GALNT11: variants seen among roughly 807,000 people sequenced by gnomAD.
The protein encoded by GALNT11 is polypeptide N-acetylgalactosaminyltransferase 11.
A neutral mutation model predicts 72.7 loss-of-function variants in GALNT11; 47 were observed. That is an observed-to-expected ratio of 0.65 (90% CI 0.51 to 0.82). GALNT11 has a LOEUF of 0.82. Ranked by LOEUF, GALNT11 falls within the 40% of genes least tolerant of loss-of-function variation. The pLI, the probability that GALNT11 is intolerant of heterozygous loss-of-function variation, is 0.00. For synonymous variants in GALNT11, 270 were observed against 286.6 expected, an observed-to-expected ratio of 0.94 and a Z score of 0.58; for missense variants, 677 against 778.4, an observed-to-expected ratio of 0.87 and a Z score of 1.55.
At chr7:152,105,826 A>G (rs948731758) in intron 5 of GALNT11, among the ~76,000 whole-genome samples, 6 of 152,228 alleles carry the variant, frequency 3.9e-5, no homozygotes, top group African/African-American at 1.4e-4. Flanking sequence ...TGGTTAATGG[A>G]CGTAAGATTG....
chr7:152,058,125 G>A (rs376358651), intron 1 of GALNT11, among the ~76,000 whole-genome samples: 108 of 152,104 alleles, frequency 7.1e-4, no homozygotes, highest in African/African-American at 2.3e-3. Context: ...ACACTATACC[G>A]TAGTCTTTTA....
intron 7 of GALNT11, 117 bp from the exon 8 acceptor site, chr7:152,113,129 T>C: frequency 3.8e-6 from 4 of 1,053,890 alleles, no homozygotes; most frequent in East Asian, 2.5e-5. Context: ...ATAAGATAAA[T>C]ATCTTGCCAA....
chr7:152,094,537 T>A lies in GALNT11; in HGVS notation c.295+15T>A. 6.3e-7 allele frequency: 1 copy of A among 1,574,870 alleles called. No homozygotes were observed. The highest frequency in any genetic ancestry group is 8.6e-7 in the Non-Finnish European group (1 of 1,159,090). On this transcript the variant is annotated intron_variant, in intron 2 of 11. Transcript: ENST00000430044. The surrounding 1 kb of genome is among the most constrained non-coding windows in gnomAD (Gnocchi z 4.3). ...TTCTGAATTAGGTAAGTATATGATG[T>A]TTACCAGCATCCATATCAATGTATT...
rs144253400 is a variant in GALNT11 at position 152,036,626 on chromosome 7, C to T, written c.-39+10742C>T. On this transcript the variant is annotated intron_variant, in intron 1 of 11. Coordinates refer to ENST00000430044, the MANE Select transcript of GALNT11 (RefSeq NM_022087.4). ...TACTATGAGTGGGATTGCTGAGTCA[C>T]GTGGTAGCTCTATTTTTAGTTTTTG... Among the ~76,000 whole-genome samples the T allele has an allele frequency of 1.8e-3, 278 of 152,252 alleles. 2 individuals are homozygous for T. Among genetic ancestry groups the T allele is most frequent in the Non-Finnish European group, 1.9e-3 (127 of 68,000 alleles).
At chr7:152,070,003 C>CTT (rs71198756) in intron 1 of GALNT11, among the ~76,000 whole-genome samples, 2 of 141,648 alleles carry the variant, frequency 1.4e-5, no homozygotes, top group African/African-American at 2.6e-5. Flanking sequence ...TTTTCTTTTT[C>CTT]TTTTTTTTTT....
intron 1 of GALNT11, among the ~76,000 whole-genome samples, chr7:152,076,112 C>T (rs1158979453): frequency 1.4e-5 from 2 of 147,716 alleles, no homozygotes; most frequent in South Asian, 2.2e-4. Flanking sequence ...AAAAGTTCAT[C>T]GCTTTTTTAA....
At chr7:152,027,727 T>TA (rs2082095085) in intron 1 of GALNT11, 1 of 155,224 alleles carries the variant, frequency 6.4e-6, no homozygotes, top group South Asian at 1.9e-4. Context: ...CGGTGAGTGT[T>TA]ACAGTTCTTA....
intron 1 of GALNT11, among the ~76,000 whole-genome samples, chr7:152,052,053 C>T (rs999894102): frequency 6.6e-6 from 1 of 152,100 alleles, no homozygotes; most frequent in African/African-American, 2.4e-5. Flanking sequence ...TTTCCCAGCC[C>T]CTTTCTGTTT....
At chr7:152,045,619 T>G (rs2083081849) in intron 1 of GALNT11, among the ~76,000 whole-genome samples, 1 of 152,178 alleles carries the variant, frequency 6.6e-6, no homozygotes, top group Non-Finnish European at 1.5e-5. Context: ...TTCTGTGATA[T>G]TGATTGTAAT....
intron 6 of GALNT11, among the ~76,000 whole-genome samples, chr7:152,109,064 C>T (rs891402077): frequency 6.6e-6 from 1 of 152,160 alleles, no homozygotes; most frequent in South Asian, 2.1e-4. Context: ...ATTTAAACCC[C>T]AGAAGCCATT....
At chr7:152,037,139 GC>G (rs2082619770) in intron 1 of GALNT11, among the ~76,000 whole-genome samples, 1 of 152,130 alleles carries the variant, frequency 6.6e-6, no homozygotes, top group African/African-American at 2.4e-5. Flanking sequence ...AGAAATCTCT[GC>G]CTAGTTCAAT....
intron 8 of GALNT11, among the ~76,000 whole-genome samples, chr7:152,114,819 G>A (rs1276362309): frequency 1.3e-5 from 2 of 151,834 alleles, no homozygotes; most frequent in Admixed American, 6.6e-5. Context: ...GAGCCACCAC[G>A]CCTGGTTGCT....
At chr7:152,037,711 T>G (rs1002972128) in intron 1 of GALNT11, among the ~76,000 whole-genome samples, 1 of 152,206 alleles carries the variant, frequency 6.6e-6, no homozygotes, top group Non-Finnish European at 1.5e-5. Flanking sequence ...TTAACAGTAT[T>G]GATTCTTCCA....
Position 152,043,383 on chromosome 7 carries a change from G to A in GALNT11, c.-39+17499G>A, listed in dbSNP as rs1002375800. Reference sequence around the variant, plus strand: ...AGCATAAATCTACTGCAGCACTACCGGCTGTGGCGGGGGACAGACATTGTA... The same window carrying A: ...AGCATAAATCTACTGCAGCACTACCAGCTGTGGCGGGGGACAGACATTGTA... On this transcript the variant is annotated intron_variant, in intron 1 of 11. Transcript: ENST00000430044. Among the ~76,000 whole-genome samples, 16 of 152,210 alleles carry A rather than the reference G, an allele frequency of 1.1e-4. No individual in the cohort carries two copies. The East Asian group carries it at 1.3e-3, about 13-fold the overall frequency.
intron 4 of GALNT11, chr7:152,103,544 G>A (rs2087198399): frequency 2.8e-6 from 1 of 354,630 alleles, no homozygotes; most frequent in East Asian, 4.7e-5. Context: ...ATAACTGTAG[G>A]TTCACAGGAA....
chr7:152,118,500 T>C (rs1189613429), intron 9 of GALNT11, 178 bp from the exon 10 acceptor site: 1 of 550,910 alleles, frequency 1.8e-6, no homozygotes, highest in Non-Finnish European at 3.1e-6. Flanking sequence ...CTTTTGTCTA[T>C]CTTGATGCTC....
chr7:152,026,113 G>A (rs1275016714), intron 1 of GALNT11, among the ~76,000 whole-genome samples: 1 of 152,164 alleles, frequency 6.6e-6, no homozygotes, highest in Non-Finnish European at 1.5e-5. Flanking sequence ...CGGGCGTGGG[G>A]GCGAGGACCA....
At chr7:152,055,588 TAC>T (rs1247576275) in intron 1 of GALNT11, among the ~76,000 whole-genome samples, 2 of 150,510 alleles carry the variant, frequency 1.3e-5, no homozygotes, top group Non-Finnish European at 3.0e-5. Context: ...TATATATATA[TAC>T]ACACAAAGTA....
intron 5 of GALNT11, chr7:152,107,583 CAGAGAGA>C (rs1440622686): frequency 1.3e-5 from 2 of 158,308 alleles, no homozygotes; most frequent in Non-Finnish European, 2.8e-5. Context: ...TTTACTGAGG[CAGAGAGA>C]TGTCTTCTAA....
Sources: allele counts gnomAD v4.1 joint callset (sites outside exome capture counted in the v4.1 genomes callset), GRCh38; gene constraint gnomAD v4.1.1; non-coding constraint Gnocchi (gnomAD v3.1); transcripts MANE v1.5; gene names NCBI Gene and HGNC (gene_info 2026-07-23, HGNC 2026-07-21).